The following PCDHA6 variants were observed in gnomAD, a reference collection of about 807,000 sequenced individuals.
The protein encoded by PCDHA6 is protocadherin alpha-6.
PCDHA6 carries 55 observed loss-of-function variants against 60.3 expected under a neutral mutation model. That is an observed-to-expected ratio of 0.91 (90% CI 0.73 to 1.14). The LOEUF (loss-of-function observed/expected upper bound fraction) is 1.14. PCDHA6 is among the 50% of genes most tolerant of loss of function. PCDHA6 has a pLI of 0.00. For synonymous variants in PCDHA6, 652 were observed against 557.9 expected (o/e 1.17, Z -2.38); for missense variants, 1,327 against 1,256.5 (o/e 1.06, Z -0.85).
rs2150159417 is a variant in PCDHA6, at chr5:140,828,828, A to G, written c.737A>G (p.Glu246Gly). The change falls in exon 1 of 4, where the codon GAA (glutamate) becomes GGA (glycine). Residue 246 changes from glutamate (E) to glycine (G), a missense_variant. Transcript: ENST00000529310. ...NDNAPTFEQSEYEVRIFENAD... is the reference protein window; with the variant it reads ...NDNAPTFEQSGYEVRIFENAD... ...AATGCTCCCACTTTCGAACAGTCTG[A>G]ATACGAAGTAAGAATATTCGAAAAT... The G allele has an allele frequency of 1.9e-6, 3 of 1,614,222 alleles. No homozygotes were observed. The highest frequency in any genetic ancestry group is 1.7e-6 in the Non-Finnish European group (2 of 1,180,032).
chr5:140,857,717 G>T, intron 1 of PCDHA6: 1 of 1,597,518 alleles, frequency 6.3e-7, no homozygotes, highest in Non-Finnish European at 8.6e-7. Context: ...CGTGCTGGAC[G>T]AGAACGACAA....
In PCDHA6 at chr5:140,830,248, A is replaced by C. The variant is rs1554132663; in HGVS notation, c.2157A>C (p.Thr719=). 3 of 1,613,824 alleles carry C rather than the reference A, an allele frequency of 1.9e-6. No homozygotes were observed. The highest frequency in any genetic ancestry group is 2.5e-6 in the Non-Finnish European group (3 of 1,179,840). ...TGGTCCTCACGCTACTGCTGTACAC[A>C]GCGCTGCGGTGCTCGGCGCCACCCA... ...SLLVLTLLLY[T]ALRCSAPPTE... is the part of the protein sequence containing the mutation. The change falls in exon 1 of 4, where the codon ACA becomes ACC. Residue 719 remains threonine (T), a synonymous_variant. Coordinates refer to ENST00000529310, the MANE Select transcript of PCDHA6 (RefSeq NM_018909.4).
In PCDHA6 at chr5:140,942,596, A is replaced by T. The variant is rs116159999; in HGVS notation, c.2395-36353A>T. On this transcript the variant is annotated intron_variant, in intron 1 of 3. Coordinates refer to ENST00000529310, the MANE Select transcript of PCDHA6 (RefSeq NM_018909.4). ...CCCATATAGGATGTCACATATAATT[A>T]TAGTGTTTATATTTGCCAATTGTAA... 7.0e-3 allele frequency among the ~76,000 whole-genome samples: 992 copies of T among 142,408 alleles called. 16 individuals carry two copies. Among genetic ancestry groups the T allele is most frequent in the African/African-American group, 0.025 (912 of 36,952 alleles). 93.4% of individuals were successfully genotyped at this position (142,408 alleles called of 152,430 possible).
chr5:140,998,746 A>C (rs1473770059), intron 3 of PCDHA6, among the ~76,000 whole-genome samples: 2 of 151,954 alleles, frequency 1.3e-5, no homozygotes, highest in Non-Finnish European at 2.9e-5. Context: ...GTATTTTTAG[A>C]AGAGACACAG....
At chr5:141,000,993 C>A (rs1273666357) in intron 3 of PCDHA6, among the ~76,000 whole-genome samples, 1 of 151,964 alleles carries the variant, frequency 6.6e-6, no homozygotes, top group Non-Finnish European at 1.5e-5. Context: ...AATAAATATG[C>A]TTTAAATATG....
In PCDHA6 at chr5:140,856,743, T is replaced by C. The variant is rs17844341; in HGVS notation, c.2394+26258T>C. On this transcript the variant is annotated intron_variant, in intron 1 of 3. Transcript: ENST00000529310. Reference sequence around the variant, plus strand: ...TCTGTTTCTCTGCTGATCCTGGTGTTAGATGCCAATGATAACGCCCCTATC... The same window carrying C: ...TCTGTTTCTCTGCTGATCCTGGTGTCAGATGCCAATGATAACGCCCCTATC... 190 of 1,596,776 alleles carry C rather than the reference T, an allele frequency of 1.2e-4. 4 individuals are homozygous for C. In the East Asian group the frequency reaches 4.1e-3, roughly 35 times the overall value.
intron 1 of PCDHA6, chr5:140,875,742 C>T (rs782079077): frequency 3.1e-6 from 5 of 1,614,218 alleles, no homozygotes; most frequent in South Asian, 1.1e-5. Context: ...ATTCTCGGAT[C>T]GACCGCGAGA....
chr5:140,936,640 C>G (rs782162757), intron 1 of PCDHA6, among the ~76,000 whole-genome samples: 3 of 152,208 alleles, frequency 2.0e-5, no homozygotes, highest in African/African-American at 7.2e-5. Context: ...TCATAAGCAA[C>G]GTGACTTTAT....
At chr5:140,981,111 T>C (rs1275828842) in intron 2 of PCDHA6, among the ~76,000 whole-genome samples, 3 of 152,232 alleles carry the variant, frequency 2.0e-5, no homozygotes, top group African/African-American at 2.4e-5. Context: ...GAATTTCTAC[T>C]GGATATGTTG....
intron 1 of PCDHA6, among the ~76,000 whole-genome samples, chr5:140,959,991 G>A (rs2095520706): frequency 6.6e-6 from 1 of 152,168 alleles, no homozygotes; most frequent in South Asian, 2.1e-4. Flanking sequence ...GTTGGGATAT[G>A]AAATACAAAT....
chr5:140,870,308 A>G, intron 1 of PCDHA6: 1 of 1,614,140 alleles, frequency 6.2e-7, no homozygotes, highest in Non-Finnish European at 8.5e-7. Context: ...ACCTTCAAGA[A>G]TTACTACTCG....
intron 1 of PCDHA6, chr5:140,835,821 G>T (rs375168399): frequency 3.1e-6 from 5 of 1,612,714 alleles, no homozygotes; most frequent in East Asian, 2.2e-5. Flanking sequence ...TGTGTCGGCG[G>T]GGGACGCGGA....
At chr5:140,857,859 C>T (rs1554150765) in intron 1 of PCDHA6, 3 of 1,597,718 alleles carry the variant, frequency 1.9e-6, no homozygotes, top group Non-Finnish European at 2.6e-6. Context: ...GGATACAACG[C>T]GTGGCTGTCG....
chr5:140,890,319 A>C (rs2062592452), intron 1 of PCDHA6, among the ~76,000 whole-genome samples: 1 of 152,206 alleles, frequency 6.6e-6, no homozygotes, highest in Admixed American at 6.5e-5. Context: ...AGTTGTTTTA[A>C]GATATTAGGT....
Position 140,830,254 on chromosome 5 carries a change from G to A in PCDHA6, c.2163G>A (p.Leu721=). The A allele has an allele frequency of 6.2e-7, 1 of 1,613,692 alleles. No individual in the cohort carries two copies. The highest frequency in any genetic ancestry group is 2.2e-5 in the East Asian group (1 of 44,860). The change falls in exon 1 of 4, where the codon CTG becomes CTA. Residue 721 remains leucine, a synonymous_variant. Coordinates refer to ENST00000529310, the MANE Select transcript of PCDHA6 (RefSeq NM_018909.4). ...LVLTLLLYTA[L]RCSAPPTEGA... ...TCACGCTACTGCTGTACACAGCGCTGCGGTGCTCGGCGCCACCCACCGAGG... is the reference window on the plus strand; with the variant it reads ...TCACGCTACTGCTGTACACAGCGCTACGGTGCTCGGCGCCACCCACCGAGG...
At chr5:140,857,430 T>A in intron 1 of PCDHA6, 2 of 1,598,338 alleles carry the variant, frequency 1.3e-6, no homozygotes, top group African/African-American at 2.7e-5. Context: ...GAGTACACGG[T>A]GTTCGTGAAG....
At chr5:140,882,228 T>G in intron 1 of PCDHA6, 1 of 1,564,682 alleles carries the variant, frequency 6.4e-7, no homozygotes, top group Non-Finnish European at 8.7e-7. Context: ...GGTAAGGCGT[T>G]GTATATATTG....
intron 3 of PCDHA6, among the ~76,000 whole-genome samples, chr5:140,985,802 C>T (rs567648207): frequency 1.1e-4 from 16 of 146,640 alleles, no homozygotes; most frequent in African/African-American, 3.3e-4. Flanking sequence ...TGCAGTGGCA[C>T]GATCTCAGCT....
intron 1 of PCDHA6, among the ~76,000 whole-genome samples, chr5:140,908,385 G>A (rs1318647483): frequency 6.6e-6 from 1 of 152,222 alleles, no homozygotes. Context: ...GCTCGAGCCC[G>A]ATCACATATA....
Sources: gnomAD v4.1 joint callset for allele counts (sites outside exome capture counted in the v4.1 genomes callset) on GRCh38, gnomAD v4.1.1 for gene constraint, MANE v1.5 for transcripts, NCBI Gene and HGNC (gene_info 2026-07-23, HGNC 2026-07-21) for gene names.